PPARGC1A: variants seen among roughly 807,000 people sequenced by gnomAD.
PPARGC1A encodes the protein PPARG coactivator 1 alpha, also known as peroxisome proliferator-activated receptor gamma coactivator 1-alpha.
In PPARGC1A, 25 loss-of-function variants were observed where a neutral mutation model predicts 88.7. The observed-to-expected ratio is 0.28, with a 90% CI of 0.21 to 0.39. PPARGC1A has a LOEUF of 0.39. PPARGC1A is among the 10% of genes least tolerant of loss of function. The pLI is 1.00. For synonymous variants in PPARGC1A, 363 were observed against 355.6 expected, an observed-to-expected ratio of 1.02 and a Z score of -0.24; for missense variants, 880 against 968.7, an observed-to-expected ratio of 0.91 and a Z score of 1.22.
chr4:23,959,661 G>A, the PPARGC1A span, among the ~76,000 whole-genome samples: 1 of 152,068 alleles, frequency 6.6e-6, no homozygotes, highest in African/African-American at 2.4e-5. Flanking sequence ...CCCTCAAGAA[G>A]CTATGAGCTC....
chr4:24,091,928 T>TACACACACACACACACACACACACACAC, the PPARGC1A span, among the ~76,000 whole-genome samples: 59 of 147,836 alleles, frequency 4.0e-4, no homozygotes, highest in African/African-American at 1.2e-3. Flanking sequence ...CTTGCCCCAA[T>TACACACACACACACACACACACACACAC]ACACACACAC....
the PPARGC1A span, among the ~76,000 whole-genome samples, chr4:24,445,673 A>G: frequency 2.0e-5 from 3 of 152,336 alleles, no homozygotes; most frequent in South Asian, 6.2e-4. Flanking sequence ...AAAGCATCAG[A>G]AAATCCCACC....
At chr4:24,437,659 G>GT in the PPARGC1A span, among the ~76,000 whole-genome samples, 2 of 150,832 alleles carry the variant, frequency 1.3e-5, no homozygotes, top group Non-Finnish European at 3.0e-5. Flanking sequence ...TTTTTTGGGG[G>GT]TTTTTTTCTT....
At chr4:24,317,476 C>T in the PPARGC1A span, among the ~76,000 whole-genome samples, 18 of 138,258 alleles carry the variant, frequency 1.3e-4, no homozygotes, top group African/African-American at 4.6e-4. Flanking sequence ...AGGGACTGAG[C>T]GGGGATTGGG....
the PPARGC1A span, among the ~76,000 whole-genome samples, chr4:24,123,731 T>A: frequency 2.6e-5 from 4 of 152,132 alleles, no homozygotes; most frequent in Admixed American, 6.5e-5. Context: ...CAAGTCATTC[T>A]GCTTAAACCT....
chr4:24,406,652 C>A, the PPARGC1A span, among the ~76,000 whole-genome samples: 1 of 152,302 alleles, frequency 6.6e-6, no homozygotes, highest in South Asian at 2.1e-4. Flanking sequence ...TAGAGACCCA[C>A]AGAGCTGAGC....
intron 11 of PPARGC1A, 115 bp from the exon 12 acceptor site, chr4:23,801,996 T>C: frequency 7.4e-7 from 1 of 1,354,930 alleles, no homozygotes; most frequent in Non-Finnish European, 1.0e-6. Flanking sequence ...ACTGAATCCA[T>C]TTATCAGTGT....
chr4:24,443,248 G>A, the PPARGC1A span, among the ~76,000 whole-genome samples: 7 of 97,530 alleles, frequency 7.2e-5, no homozygotes, highest in Admixed American at 7.9e-4. Context: ...TTTGAAAAAT[G>A]TATGGGTTTT....
the PPARGC1A span, among the ~76,000 whole-genome samples, chr4:24,197,290 T>C: frequency 5.9e-4 from 90 of 152,354 alleles, no homozygotes; most frequent in Middle Eastern, 6.8e-3. Context: ...TTTTATCACA[T>C]TGTGGGCCAA....
the PPARGC1A span, among the ~76,000 whole-genome samples, chr4:24,312,575 T>C: frequency 6.7e-6 from 1 of 148,324 alleles, no homozygotes; most frequent in African/African-American, 2.5e-5. Context: ...TTGTCTTAAT[T>C]CTATGAATAT....
chr4:24,049,645 A>G, the PPARGC1A span, among the ~76,000 whole-genome samples: 3 of 151,922 alleles, frequency 2.0e-5, no homozygotes, highest in African/African-American at 4.8e-5. Flanking sequence ...ATCAATGACT[A>G]TTTTCCTTTA....
the PPARGC1A span, among the ~76,000 whole-genome samples, chr4:23,957,350 G>T: frequency 6.6e-6 from 1 of 152,012 alleles, no homozygotes; most frequent in African/African-American, 2.4e-5. Flanking sequence ...TTAAGGCAGG[G>T]TCTCTGTTTT....
the PPARGC1A span, among the ~76,000 whole-genome samples, chr4:24,471,655 GC>G: frequency 6.6e-6 from 1 of 152,042 alleles, no homozygotes; most frequent in Non-Finnish European, 1.5e-5. The surrounding 1 kb of genome is among the most constrained non-coding windows in gnomAD (Gnocchi z 5.4). Context: ...GCGTCCCTGG[GC>G]CCCCCGAGTC....
chr4:24,191,999 G>A, the PPARGC1A span, among the ~76,000 whole-genome samples: 1 of 152,278 alleles, frequency 6.6e-6, no homozygotes, highest in African/African-American at 2.4e-5. Flanking sequence ...AAAACTTTCA[G>A]CCACGCCTCG....
At chr4:24,059,312 C>T in the PPARGC1A span, among the ~76,000 whole-genome samples, 86 of 152,248 alleles carry the variant, frequency 5.6e-4, 1 homozygote, top group Middle Eastern at 0.01. Flanking sequence ...CAGAATTTGT[C>T]CAACGTATCA....
the PPARGC1A span, among the ~76,000 whole-genome samples, chr4:24,167,836 C>T: frequency 6.6e-6 from 1 of 152,164 alleles, no homozygotes; most frequent in Admixed American, 6.5e-5. Flanking sequence ...TCACTGCAAC[C>T]TCCACCCCCT....
chr4:24,193,208 C>A, the PPARGC1A span, among the ~76,000 whole-genome samples: 1 of 152,098 alleles, frequency 6.6e-6, no homozygotes, highest in Non-Finnish European at 1.5e-5. Flanking sequence ...GATGGAGTTG[C>A]CTTTACCTGA....
chr4:24,330,977 C>T, the PPARGC1A span, among the ~76,000 whole-genome samples: 1 of 152,192 alleles, frequency 6.6e-6, no homozygotes, highest in Non-Finnish European at 1.5e-5. Flanking sequence ...TCTCTGAATC[C>T]TCTACTGATA....
chr4:24,178,112 T>C, the PPARGC1A span, among the ~76,000 whole-genome samples: 1 of 152,254 alleles, frequency 6.6e-6, no homozygotes, highest in East Asian at 1.9e-4. Context: ...GAGCCTATTG[T>C]ATAAATGAGA....
Sources: allele counts gnomAD v4.1 joint callset (sites outside exome capture counted in the v4.1 genomes callset), GRCh38; gene constraint gnomAD v4.1.1; non-coding constraint Gnocchi (gnomAD v3.1); transcripts MANE v1.5; gene names NCBI Gene and HGNC (gene_info 2026-07-23, HGNC 2026-07-21).